The following YES1 variants were observed in gnomAD, a reference collection of about 807,000 sequenced individuals.
YES1 encodes the protein tyrosine-protein kinase Yes.
YES1 carries 39 observed loss-of-function variants against 70.4 expected under a neutral mutation model. The observed-to-expected ratio is 0.55, with a 90% CI of 0.43 to 0.72. The LOEUF (loss-of-function observed/expected upper bound fraction) is 0.72. Ranked by LOEUF, YES1 falls within the 30% of genes least tolerant of loss-of-function variation. The pLI is 0.00. For missense variants in YES1, 495 were observed against 644.8 expected (o/e 0.77, Z 2.52); for synonymous variants, 198 against 218.6 (o/e 0.91, Z 0.83).
At position 742,210 on chromosome 18, in the gene YES1, A is replaced by T. The variant is rs1401792590; in HGVS notation, c.1060+708T>A. ...TAGTTCCTCTAAGTACCATCTGCACAGGGAAAAAGAGGAAAGAGTATCAAT... is the reference window on the plus strand; with the variant it reads ...TAGTTCCTCTAAGTACCATCTGCACTGGGAAAAAGAGGAAAGAGTATCAAT... On this transcript the variant is annotated intron_variant, in intron 8 of 11. Transcript: ENST00000314574. Among the ~76,000 whole-genome samples, 5 of 152,244 alleles carry T rather than the reference A, an allele frequency of 3.3e-5. 1 individual carries two copies. The highest frequency in any genetic ancestry group is 1.2e-4 in the African/African-American group (5 of 41,452).
At chr18:762,373 T>C (rs1476556393) in intron 1 of YES1, among the ~76,000 whole-genome samples, 3 of 152,144 alleles carry the variant, frequency 2.0e-5, no homozygotes, top group Non-Finnish European at 2.9e-5. Context: ...TATGGAAACC[T>C]ACCTGTTGGA....
intron 1 of YES1, among the ~76,000 whole-genome samples, chr18:783,312 CA>C (rs1293538243): frequency 6.6e-6 from 1 of 152,096 alleles, no homozygotes; most frequent in Non-Finnish European, 1.5e-5. Context: ...TTTAAAAACT[CA>C]AACTAGTACA....
chr18:751,933 T>G (rs2080349458), intron 2 of YES1, 129 bp from the exon 3 acceptor site: 16 of 662,840 alleles, frequency 2.4e-5, no homozygotes, highest in Middle Eastern at 3.8e-4. Context: ...GAAACTATTT[T>G]TAGAAGTTGG....
chr18:738,812 T>C (rs2080183131), intron 9 of YES1: 1 of 152,126 alleles, frequency 6.6e-6, no homozygotes. Flanking sequence ...ACATATAGAC[T>C]TTACATTTGT....
chr18:786,254 G>A (rs1382229828), intron 1 of YES1, among the ~76,000 whole-genome samples: 1 of 147,268 alleles, frequency 6.8e-6, no homozygotes, highest in Admixed American at 6.8e-5. Context: ...AAAGATAGAA[G>A]ATGGGGTGGG....
chr18:777,210 A>C (rs1905426751), intron 1 of YES1, among the ~76,000 whole-genome samples: 1 of 152,222 alleles, frequency 6.6e-6, no homozygotes, highest in Admixed American at 6.5e-5. Context: ...AACAGCAACA[A>C]GGAACAGAGC....
chr18:749,728 C>T (rs1405477377), intron 3 of YES1, among the ~76,000 whole-genome samples: 3 of 151,514 alleles, frequency 2.0e-5, no homozygotes, highest in South Asian at 4.2e-4. Context: ...GACGTGGTGG[C>T]GGGCGCCTGT....
intron 1 of YES1, among the ~76,000 whole-genome samples, chr18:794,647 G>C (rs958749083): frequency 6.6e-6 from 1 of 152,136 alleles, no homozygotes; most frequent in African/African-American, 2.4e-5. Context: ...GCAGGGCTAT[G>C]CTCCCCCTGA....
intron 1 of YES1, among the ~76,000 whole-genome samples, chr18:758,830 G>A (rs1904427491): frequency 6.6e-6 from 1 of 152,030 alleles, no homozygotes; most frequent in African/African-American, 2.4e-5. Flanking sequence ...CTTACCTACC[G>A]TATTATCTAT....
Position 723,152 on chromosome 18 carries a change from A to G in YES1, c.*1272T>C, listed in dbSNP as rs1362645113. The stretch of plus-strand genomic sequence containing the variant: ...AACATGATTTGAAAACTGGAGTTCT[A>G]AAAATGTTTTACATAAAAACCATAT... On this transcript the variant is annotated 3_prime_UTR_variant, in exon 12 of 12. Coordinates refer to ENST00000314574, the MANE Select transcript of YES1 (RefSeq NM_005433.4). The G allele has an allele frequency of 6.6e-6, 1 of 152,264 alleles. No individual in the cohort carries two copies. The highest frequency in any genetic ancestry group is 1.5e-5 in the Non-Finnish European group (1 of 68,038). 9.4% of individuals were successfully genotyped at this position (152,264 alleles called of 1,614,324 possible). A position where few individuals can be genotyped will look rare whatever the true frequency, so the allele number is the denominator to read the frequency against.
At chr18:728,682 T>C (rs1056635359) in intron 11 of YES1, among the ~76,000 whole-genome samples, 2 of 152,130 alleles carry the variant, frequency 1.3e-5, no homozygotes, top group African/African-American at 2.4e-5. Flanking sequence ...TGTGCCACCA[T>C]GCCCAGCTAA....
At chr18:725,884 G>A (rs1456693979) in intron 11 of YES1, among the ~76,000 whole-genome samples, 1 of 151,450 alleles carries the variant, frequency 6.6e-6, no homozygotes, top group South Asian at 2.1e-4. Flanking sequence ...ACTCCATCTC[G>A]CGGGGTGGGG....
At position 729,825 on chromosome 18, in the gene YES1, C is replaced by T. The variant is rs557239206; in HGVS notation, c.1423+3009G>A. Among the ~76,000 whole-genome samples, 20 of 152,172 alleles carry T rather than the reference C, an allele frequency of 1.3e-4. 1 individual carries two copies. In the South Asian group the frequency reaches 3.9e-3, roughly 30 times the overall value. ...TATTTTTAGCAGAGATGGGGTTTTA[C>T]CATCTTGGCCAGGCTGGTCTCAAAC... On this transcript the variant is annotated intron_variant, in intron 11 of 11. Coordinates refer to ENST00000314574, the MANE Select transcript of YES1 (RefSeq NM_005433.4).
At position 722,227 on chromosome 18, in the gene YES1, A is replaced by T. The variant is rs1357679202; in HGVS notation, c.*2197T>A. 1 of 152,654 alleles carries T rather than the reference A, an allele frequency of 6.6e-6. No individual in the cohort carries two copies. The highest frequency in any genetic ancestry group is 6.5e-5 in the Admixed American group (1 of 15,284). The allele number at this position is 152,654 out of a possible 1,614,324, so 9.5% of individuals were successfully genotyped here. A position where few individuals can be genotyped will look rare whatever the true frequency, so the allele number is the denominator to read the frequency against. ...AAAAATCTCATGTCACAAGTTGTTG[A>T]TAAGAGGAAATAATGACAGCACTCT... On this transcript the variant is annotated 3_prime_UTR_variant, in exon 12 of 12. Transcript: ENST00000314574.
intron 1 of YES1, among the ~76,000 whole-genome samples, chr18:771,363 G>A (rs1905148527): frequency 6.8e-6 from 1 of 147,826 alleles, no homozygotes; most frequent in Non-Finnish European, 1.5e-5. Context: ...GCAAAACTTT[G>A]TCTCAAAAAA....
rs1568193303 is a variant in YES1 at position 745,870 on chromosome 18, TA to T, written c.575-14del. On this transcript the variant is annotated splice_polypyrimidine_tract_variant and intron_variant, in intron 5 of 11. Coordinates refer to ENST00000314574, the MANE Select transcript of YES1 (RefSeq NM_005433.4). ...AGGGAATAAGCACCTGGGTGAAAAA[TA>T]AATACTTTCACTATATCTTTCTCAA... The T allele has an allele frequency of 6.2e-7, 1 of 1,609,290 alleles. No homozygotes were observed. The highest frequency in any genetic ancestry group is 1.1e-5 in the South Asian group (1 of 89,916).
At chr18:777,009 C>T (rs753674041) in intron 1 of YES1, among the ~76,000 whole-genome samples, 10 of 152,184 alleles carry the variant, frequency 6.6e-5, no homozygotes, top group African/African-American at 1.7e-4. Context: ...GCCAATTAGA[C>T]ATTAACCACA....
chr18:764,647 T>C, intron 1 of YES1, among the ~76,000 whole-genome samples: 1 of 152,152 alleles, frequency 6.6e-6, no homozygotes, highest in East Asian at 1.9e-4. Flanking sequence ...TGGTGGGGGA[T>C]TAATAATATG....
intron 3 of YES1, among the ~76,000 whole-genome samples, chr18:748,256 G>T (rs1467862526): frequency 6.6e-6 from 1 of 151,896 alleles, no homozygotes; most frequent in African/African-American, 2.4e-5. Context: ...TACACACTTA[G>T]TTATAAGATT....
Sources: gnomAD v4.1 joint callset for allele counts (sites outside exome capture counted in the v4.1 genomes callset) on GRCh38, gnomAD v4.1.1 for gene constraint, MANE v1.5 for transcripts, NCBI Gene and HGNC (gene_info 2026-07-23, HGNC 2026-07-21) for gene names.